The following ADCY2 variants were observed in gnomAD, a reference collection of about 807,000 sequenced individuals.
The protein encoded by ADCY2 is adenylate cyclase 2, also known as adenylate cyclase type 2.
ADCY2 carries 31 observed loss-of-function variants against 125.2 expected under a neutral mutation model. The ratio of observed to expected loss-of-function variants is 0.25; its 90% CI spans 0.19 to 0.33. The LOEUF (loss-of-function observed/expected upper bound fraction) is 0.33. Ranked by LOEUF, ADCY2 falls within the 10% of genes least tolerant of loss-of-function variation. The probability of loss-of-function intolerance (pLI) is 1.00; values close to 1 mark genes in which losing one functional copy is unlikely to be tolerated. For missense variants in ADCY2, 904 were observed against 1,418.2 expected, an observed-to-expected ratio of 0.64 and a Z score of 5.82; for synonymous variants, 512 against 548.4, an observed-to-expected ratio of 0.93 and a Z score of 0.93.
chr5:7,534,012 A>G (rs1479902950), intron 3 of ADCY2, among the ~76,000 whole-genome samples: 1 of 152,144 alleles, frequency 6.6e-6, no homozygotes, highest in East Asian at 1.9e-4. Flanking sequence ...TCTCCTGCAG[A>G]TATTCCTTGA....
At chr5:7,611,508 G>A (rs1737571574) in intron 3 of ADCY2, among the ~76,000 whole-genome samples, 1 of 152,002 alleles carries the variant, frequency 6.6e-6, no homozygotes, top group African/African-American at 2.4e-5. Flanking sequence ...ATATCCACTG[G>A]AAAAAATGGA....
rs370003422 is a variant in ADCY2 at position 7,732,036 on chromosome 5, C to T, written c.1871+4775C>T. On this transcript the variant is annotated intron_variant, in intron 14 of 24. Transcript: ENST00000338316. ...GTTCATCAACAGCAAGGATTTGGGTCCATGGTAGTCTTGTATGTTCTGAGT... is the reference window on the plus strand; with the variant it reads ...GTTCATCAACAGCAAGGATTTGGGTTCATGGTAGTCTTGTATGTTCTGAGT... 3.3e-5 allele frequency among the ~76,000 whole-genome samples: 5 copies of T among 152,260 alleles called. 1 individual carries two copies. Among genetic ancestry groups the T allele is most frequent in the African/African-American group, 2.4e-5 (1 of 41,540 alleles).
At chr5:7,425,726 C>T (rs1740361889) in intron 2 of ADCY2, among the ~76,000 whole-genome samples, 1 of 152,212 alleles carries the variant, frequency 6.6e-6, no homozygotes, top group Admixed American at 6.5e-5. Context: ...CCAATAAAGG[C>T]ATTTGCCTGC....
chr5:7,434,679 G>C (rs1740729410), intron 2 of ADCY2, among the ~76,000 whole-genome samples: 1 of 152,218 alleles, frequency 6.6e-6, no homozygotes, highest in Non-Finnish European at 1.5e-5. Context: ...ATATCTACCT[G>C]CTAGTTTCTG....
intron 15 of ADCY2, among the ~76,000 whole-genome samples, chr5:7,746,658 C>G (rs529115019): frequency 2.6e-5 from 4 of 152,320 alleles, no homozygotes. Flanking sequence ...GAATTAAATA[C>G]TGAGTTTATT....
chr5:7,423,393 T>G (rs1740280250), intron 2 of ADCY2, among the ~76,000 whole-genome samples: 1 of 152,180 alleles, frequency 6.6e-6, no homozygotes, highest in South Asian at 2.1e-4. Context: ...GCTCCCATAG[T>G]CCCCATGTGT....
intron 4 of ADCY2, among the ~76,000 whole-genome samples, chr5:7,688,093 C>T (rs1459211981): frequency 1.2e-4 from 19 of 152,196 alleles, no homozygotes; most frequent in Non-Finnish European, 2.1e-4. Flanking sequence ...TATTTATAGT[C>T]TACCTGTTAA....
intron 14 of ADCY2, among the ~76,000 whole-genome samples, chr5:7,738,195 CAT>C (rs967556032): frequency 9.9e-5 from 15 of 152,058 alleles, no homozygotes; most frequent in Non-Finnish European, 1.8e-4. Context: ...AAAACAATGA[CAT>C]GTGACATATA....
At chr5:7,398,884 T>C (rs780941357) in intron 1 of ADCY2, among the ~76,000 whole-genome samples, 4 of 152,254 alleles carry the variant, frequency 2.6e-5, no homozygotes, top group Non-Finnish European at 5.9e-5. Context: ...ATAACCAGCA[T>C]CTCTGCTTTC....
chr5:7,693,152 C>T (rs950842735), intron 5 of ADCY2, among the ~76,000 whole-genome samples: 1 of 152,172 alleles, frequency 6.6e-6, no homozygotes, highest in African/African-American at 2.4e-5. Flanking sequence ...GTTCATTCTT[C>T]TTCCTATCTC....
At chr5:7,657,055 T>C (rs1739362812) in intron 4 of ADCY2, among the ~76,000 whole-genome samples, 1 of 152,250 alleles carries the variant, frequency 6.6e-6, no homozygotes. Flanking sequence ...TTTTGGGCTA[T>C]GTGTATAAGA....
chr5:7,825,506 G>T (rs1745448312), intron 24 of ADCY2, among the ~76,000 whole-genome samples: 1 of 152,236 alleles, frequency 6.6e-6, no homozygotes, highest in Non-Finnish European at 1.5e-5. Context: ...GGTCTCACAG[G>T]TGCCCTTGTT....
chr5:7,589,448 GAAGGAAAGAA>G, intron 3 of ADCY2, among the ~76,000 whole-genome samples: 1 of 86,974 alleles, frequency 1.1e-5, no homozygotes, highest in Non-Finnish European at 2.4e-5. Flanking sequence ...AAGAAAGAAA[GAAGGAAAGAA>G]AAAGAAAGAA....
chr5:7,591,656 A>G (rs1236996402), intron 3 of ADCY2, among the ~76,000 whole-genome samples: 1 of 152,140 alleles, frequency 6.6e-6, no homozygotes, highest in East Asian at 1.9e-4. Flanking sequence ...AGAGGGAAGA[A>G]GTGGGGCACC....
intron 18 of ADCY2, among the ~76,000 whole-genome samples, chr5:7,776,034 T>C (rs535111171): frequency 1.3e-5 from 2 of 152,168 alleles, no homozygotes; most frequent in Non-Finnish European, 2.9e-5. Context: ...CGTAACCCTG[T>C]GACTCATGCC....
chr5:7,460,881 C>A (rs1741892986), intron 2 of ADCY2, among the ~76,000 whole-genome samples: 1 of 152,192 alleles, frequency 6.6e-6, no homozygotes, highest in South Asian at 2.1e-4. Flanking sequence ...TAAGTTCTTT[C>A]TTTAAGCTTT....
intron 2 of ADCY2, among the ~76,000 whole-genome samples, chr5:7,480,438 C>T (rs914365770): frequency 6.6e-6 from 1 of 152,140 alleles, no homozygotes; most frequent in Non-Finnish European, 1.5e-5. Flanking sequence ...AGAATGAGAT[C>T]ATGTCCTTTG....
intron 15 of ADCY2, among the ~76,000 whole-genome samples, chr5:7,752,346 CACAAAAGT>C (rs1200174881): frequency 1.3e-5 from 2 of 152,134 alleles, no homozygotes; most frequent in East Asian, 3.8e-4. Flanking sequence ...TAGGCAAATA[CACAAAAGT>C]ACATGTTTAT....
intron 3 of ADCY2, among the ~76,000 whole-genome samples, chr5:7,533,306 C>T (rs1279302521): frequency 6.7e-6 from 1 of 148,334 alleles, no homozygotes; most frequent in African/African-American, 2.5e-5. Flanking sequence ...AATGTTAATT[C>T]CCTCTGTATT....
Sources: gnomAD v4.1 joint callset for allele counts (sites outside exome capture counted in the v4.1 genomes callset) on GRCh38, gnomAD v4.1.1 for gene constraint, MANE v1.5 for transcripts, NCBI Gene and HGNC (gene_info 2026-07-23, HGNC 2026-07-21) for gene names.